Variants in TMEM108 observed in about 807,000 individuals in gnomAD.
TMEM108 encodes cancer/testis antigen 124.
Under a neutral mutation model 35.1 loss-of-function variants are expected in TMEM108, and 12 were observed. The ratio of observed to expected loss-of-function variants is 0.34; its 90% confidence interval spans 0.22 to 0.55. The LOEUF is 0.55. Among genes scored for constraint, TMEM108 ranks in the 20% least tolerant of loss-of-function variants. The pLI, the probability that TMEM108 is intolerant of heterozygous loss-of-function variation, is 0.89. For synonymous variants in TMEM108, 287 were observed against 308.6 expected, an observed-to-expected ratio of 0.93 and a Z score of 0.73; for missense variants, 680 against 753.3, an observed-to-expected ratio of 0.90 and a Z score of 1.14.
chr3:133,103,775 C>T (rs1311482345), intron 2 of TMEM108, among the ~76,000 whole-genome samples: 1 of 152,044 alleles, frequency 6.6e-6, no homozygotes, highest in Non-Finnish European at 1.5e-5. Context: ...TTGTGTAGCC[C>T]CATGGTTATG....
intron 3 of TMEM108, among the ~76,000 whole-genome samples, chr3:133,315,534 G>A (rs568450225): frequency 4.6e-5 from 7 of 152,326 alleles, no homozygotes; most frequent in Admixed American, 3.9e-4. Flanking sequence ...GCCAAACACA[G>A]ATTCCATAAA....
chr3:133,059,690 G>T (rs1201730926), intron 2 of TMEM108, among the ~76,000 whole-genome samples: 1 of 152,196 alleles, frequency 6.6e-6, no homozygotes, highest in Non-Finnish European at 1.5e-5. Flanking sequence ...GAAGTTTAGT[G>T]TAACTCCTGT....
intron 3 of TMEM108, among the ~76,000 whole-genome samples, chr3:133,333,145 G>T (rs1292835040): frequency 6.6e-6 from 1 of 152,092 alleles, no homozygotes; most frequent in Non-Finnish European, 1.5e-5. Context: ...TTCTAGACCT[G>T]CACTGTCCAG....
At chr3:133,382,952 G>A (rs1271428881) in intron 4 of TMEM108, among the ~76,000 whole-genome samples, 2 of 152,210 alleles carry the variant, frequency 1.3e-5, no homozygotes, top group Non-Finnish European at 1.5e-5. Flanking sequence ...AAAAGTAAAA[G>A]TGTTTGCAAG....
intron 3 of TMEM108, among the ~76,000 whole-genome samples, chr3:133,322,116 G>A (rs1306220436): frequency 1.3e-5 from 2 of 151,888 alleles, no homozygotes; most frequent in African/African-American, 4.8e-5. Flanking sequence ...TACACCTCAA[G>A]GTACTAGAGA....
At chr3:133,127,770 C>T (rs1392545142) in intron 2 of TMEM108, among the ~76,000 whole-genome samples, 4 of 152,088 alleles carry the variant, frequency 2.6e-5, no homozygotes, top group Admixed American at 2.6e-4. Flanking sequence ...TCTATGATAC[C>T]TTAGTGTAGC....
chr3:133,259,649 T>C (rs1236807339), intron 3 of TMEM108, among the ~76,000 whole-genome samples: 3 of 152,154 alleles, frequency 2.0e-5, no homozygotes, highest in Admixed American at 2.0e-4. Context: ...GGAGAAATAA[T>C]GGGTTCAAGG....
chr3:133,272,211 G>A (rs1946780511), intron 3 of TMEM108, among the ~76,000 whole-genome samples: 1 of 151,762 alleles, frequency 6.6e-6, no homozygotes, highest in East Asian at 1.9e-4. Flanking sequence ...AGGGTAATGG[G>A]GCGGAGGGGT....
At chr3:133,303,144 C>T (rs912147087) in intron 3 of TMEM108, 1 of 152,104 alleles carries the variant, frequency 6.6e-6, no homozygotes, top group Non-Finnish European at 1.5e-5. Context: ...TAACTCTTAA[C>T]TGATTTTTTA....
At chr3:133,342,885 A>G (rs1490958984) in intron 3 of TMEM108, among the ~76,000 whole-genome samples, 2 of 151,594 alleles carry the variant, frequency 1.3e-5, no homozygotes, top group Non-Finnish European at 3.0e-5. Flanking sequence ...AATTTATTGT[A>G]TATTTTCAAA....
intron 5 of TMEM108, among the ~76,000 whole-genome samples, chr3:133,391,819 G>T (rs930497910): frequency 1.3e-5 from 2 of 152,130 alleles, no homozygotes; most frequent in Non-Finnish European, 2.9e-5. Flanking sequence ...GCCAGGCTGG[G>T]TTCAGCTCTC....
chr3:133,048,167 A>G (rs1414933833), intron 2 of TMEM108, among the ~76,000 whole-genome samples: 1 of 152,234 alleles, frequency 6.6e-6, no homozygotes, highest in East Asian at 1.9e-4. Flanking sequence ...ATTGCATTTG[A>G]CAAGGTGATC....
chr3:133,350,029 G>T (rs1255736615), intron 3 of TMEM108, among the ~76,000 whole-genome samples: 1 of 152,054 alleles, frequency 6.6e-6, no homozygotes, highest in African/African-American at 2.4e-5. Context: ...ATCAACCTAA[G>T]TATCCAACAA....
At chr3:133,362,627 A>G (rs73209820) in intron 3 of TMEM108, among the ~76,000 whole-genome samples, 6,865 of 152,278 alleles carry the variant, frequency 0.045, 193 homozygotes, top group Non-Finnish European at 0.065. Context: ...GAGTTAGTGT[A>G]GAATCTTTTC....
At chr3:133,312,315 G>A (rs1395077499) in intron 3 of TMEM108, among the ~76,000 whole-genome samples, 1 of 152,236 alleles carries the variant, frequency 6.6e-6, no homozygotes, top group African/African-American at 2.4e-5. Context: ...GCTGTCTTTT[G>A]TTCAGCTATG....
chr3:133,083,817 T>C (rs532885927), intron 2 of TMEM108, among the ~76,000 whole-genome samples: 2 of 152,260 alleles, frequency 1.3e-5, no homozygotes, highest in East Asian at 3.9e-4. Context: ...GTGATTCTGT[T>C]CACTTTTATT....
At chr3:133,173,362 C>T (rs187261663) in intron 2 of TMEM108, among the ~76,000 whole-genome samples, 52 of 152,196 alleles carry the variant, frequency 3.4e-4, no homozygotes, top group African/African-American at 1.1e-3. Context: ...TTAGATAATA[C>T]TGCATGTAGG....
chr3:133,284,284 T>A (rs1311762114), intron 3 of TMEM108, among the ~76,000 whole-genome samples: 3 of 152,244 alleles, frequency 2.0e-5, no homozygotes, highest in Admixed American at 2.0e-4. Flanking sequence ...GGAATCATGC[T>A]GGATTCTGCA....
chr3:133,312,817 G>C (rs1222373322), intron 3 of TMEM108, among the ~76,000 whole-genome samples: 1 of 152,154 alleles, frequency 6.6e-6, no homozygotes, highest in Non-Finnish European at 1.5e-5. Flanking sequence ...CATCGATCAC[G>C]CTGGGAGCTG....
Sources: allele counts gnomAD v4.1 joint callset (sites outside exome capture counted in the v4.1 genomes callset), GRCh38; gene constraint gnomAD v4.1.1; transcripts MANE v1.5; gene names NCBI Gene and HGNC (gene_info 2026-07-23, HGNC 2026-07-21).